Variants in LAMA2 observed in about 807,000 individuals in gnomAD.
LAMA2 encodes the protein laminin subunit alpha-2.
A neutral mutation model predicts 364.8 loss-of-function variants in LAMA2; 269 were observed. That is an observed-to-expected ratio of 0.74 (90% confidence interval 0.67 to 0.82). The LOEUF is 0.82. LAMA2 is among the 40% of genes least tolerant of loss of function. LAMA2 has a pLI of 0.00. For synonymous variants in LAMA2, 1,379 were observed against 1,370.6 expected, an observed-to-expected ratio of 1.01 and a Z score of -0.14; for missense variants, 3,807 against 3,873.2, an observed-to-expected ratio of 0.98 and a Z score of 0.45.
intron 56 of LAMA2, among the ~76,000 whole-genome samples, chr6:129,488,989 G>A (rs1784729364): frequency 6.6e-6 from 1 of 152,152 alleles, no homozygotes; most frequent in South Asian, 2.1e-4. Context: ...CCAAAATCAT[G>A]TACTACAAAT....
intron 3 of LAMA2, among the ~76,000 whole-genome samples, chr6:129,080,656 T>C (rs1016104637): frequency 6.6e-6 from 1 of 152,204 alleles, no homozygotes; most frequent in Non-Finnish European, 1.5e-5. Flanking sequence ...TCGTCATCAC[T>C]GGCCTTCAGA....
At chr6:129,076,597 A>G (rs1773673153) in intron 3 of LAMA2, among the ~76,000 whole-genome samples, 1 of 149,700 alleles carries the variant, frequency 6.7e-6, no homozygotes, top group Non-Finnish European at 1.5e-5. Context: ...CCCTAGCAAT[A>G]CCTACTGGTG....
chr6:129,463,338 T>G (rs1478370153), intron 49 of LAMA2, among the ~76,000 whole-genome samples: 1 of 151,940 alleles, frequency 6.6e-6, no homozygotes. Flanking sequence ...TATTATAGAG[T>G]GTACCTGGAA....
At chr6:129,464,097 A>C (rs1783409077) in intron 49 of LAMA2, among the ~76,000 whole-genome samples, 193 bp from the exon 50 acceptor site, 1 of 151,962 alleles carries the variant, frequency 6.6e-6, no homozygotes, top group African/African-American at 2.4e-5. Flanking sequence ...CACCTCATGA[A>C]AGGTGAGAGG....
chr6:129,309,419 A>T (rs1774073295), intron 22 of LAMA2, among the ~76,000 whole-genome samples: 1 of 152,228 alleles, frequency 6.6e-6, no homozygotes, highest in African/African-American at 2.4e-5. Context: ...GTCTATTTGT[A>T]CTGTCAACAA....
At chr6:129,008,905 T>TGTA (rs1436591756) in intron 1 of LAMA2, among the ~76,000 whole-genome samples, 1 of 152,210 alleles carries the variant, frequency 6.6e-6, no homozygotes, top group African/African-American at 2.4e-5. Context: ...GTACCCAGGA[T>TGTA]GTAGTGTACT....
chr6:129,301,019 A>T, intron 22 of LAMA2, 147 bp downstream of exon 22: 1 of 736,902 alleles, frequency 1.4e-6, no homozygotes, highest in Non-Finnish European at 2.3e-6. Context: ...ATTAATCAAT[A>T]TCTTACAGTT....
chr6:129,508,601 A>G (rs765913749), intron 62 of LAMA2, among the ~76,000 whole-genome samples: 3 of 152,184 alleles, frequency 2.0e-5, no homozygotes, highest in Non-Finnish European at 4.4e-5. Context: ...GCTCCCACAG[A>G]TAAGTGAGAA....
chr6:128,997,280 G>C (rs546686315), intron 1 of LAMA2, among the ~76,000 whole-genome samples: 21 of 148,484 alleles, frequency 1.4e-4, no homozygotes, highest in East Asian at 1.4e-3. Context: ...ACTTAAAGTA[G>C]AAAGAAAGAA....
rs150868009 is a variant in LAMA2 at position 129,460,380 on chromosome 6, A to T, written c.6992+56A>T. 0.015 allele frequency: 22,288 copies of T among 1,511,166 alleles called. 193 individuals are homozygous for T. Among genetic ancestry groups the T allele is most frequent in the Non-Finnish European group, 0.018 (19,388 of 1,087,780 alleles). 93.6% of individuals were successfully genotyped at this position (1,511,166 alleles called of 1,614,324 possible). ...TGTCCTGTGCATAATAAAAGCTTCG[A>T]TTTTATTGCATAATATTCTATTATC... On this transcript the variant is annotated intron_variant, in intron 49 of 64. Coordinates refer to ENST00000421865, the MANE Select transcript of LAMA2 (RefSeq NM_000426.4).
intron 1 of LAMA2, among the ~76,000 whole-genome samples, chr6:128,953,747 C>T (rs574377883): frequency 6.6e-6 from 1 of 152,060 alleles, no homozygotes; most frequent in East Asian, 1.9e-4. Context: ...CTTTATCGTT[C>T]TCTTCCAAAC....
intron 37 of LAMA2, among the ~76,000 whole-genome samples, chr6:129,394,898 C>T (rs765169749): frequency 1.3e-5 from 2 of 152,152 alleles, no homozygotes; most frequent in Non-Finnish European, 2.9e-5. Flanking sequence ...CTGAGTGGTC[C>T]TGTTTGGATT....
chr6:129,050,874 A>G lies in LAMA2; in HGVS notation c.283+786A>G, dbSNP rs533679294. 6.6e-4 allele frequency among the ~76,000 whole-genome samples: 100 copies of G among 152,328 alleles called. No homozygotes were observed. The South Asian group carries it at 0.013, about 19-fold the overall frequency. ...ATGTAAAGCCCTCTTTCCAGCCTCT[A>G]TGAACCACAGTGATACCTCAGACTC... On this transcript the variant is annotated intron_variant, in intron 2 of 64. Transcript: ENST00000421865.
chr6:129,162,459 AT>A (rs911276874), intron 8 of LAMA2, among the ~76,000 whole-genome samples: 92 of 147,574 alleles, frequency 6.2e-4, no homozygotes, highest in Admixed American at 2.4e-3. Flanking sequence ...TTCCTTTAAC[AT>A]TTTTTTTTTG....
chr6:128,930,754 A>C (rs553389327), intron 1 of LAMA2, among the ~76,000 whole-genome samples: 13 of 152,214 alleles, frequency 8.5e-5, no homozygotes, highest in Non-Finnish European at 1.8e-4. Flanking sequence ...TATCATATTA[A>C]TCTTTCTGAA....
chr6:129,077,136 C>A (rs150202395), intron 3 of LAMA2, among the ~76,000 whole-genome samples: 1 of 152,006 alleles, frequency 6.6e-6, no homozygotes. Flanking sequence ...ATGATATTCA[C>A]GTAATAATAT....
intron 12 of LAMA2, among the ~76,000 whole-genome samples, chr6:129,212,767 T>C (rs1783182960): frequency 6.6e-6 from 1 of 152,184 alleles, no homozygotes; most frequent in Non-Finnish European, 1.5e-5. Context: ...GCAGCTGCCT[T>C]TCAAGATAAT....
chr6:129,233,920 T>C (rs562588545), intron 12 of LAMA2, among the ~76,000 whole-genome samples: 1 of 152,232 alleles, frequency 6.6e-6, no homozygotes, highest in Admixed American at 6.5e-5. Flanking sequence ...GAACTGAAAG[T>C]TAAGAAGATA....
At chr6:129,058,601 G>A (rs554979850) in intron 2 of LAMA2, among the ~76,000 whole-genome samples, 18 of 152,226 alleles carry the variant, frequency 1.2e-4, no homozygotes, top group African/African-American at 4.3e-4. Flanking sequence ...GACAAATGCC[G>A]GATGAGAGGT....
Sources: allele counts gnomAD v4.1 joint callset (sites outside exome capture counted in the v4.1 genomes callset), GRCh38; gene constraint gnomAD v4.1.1; transcripts MANE v1.5; gene names NCBI Gene and HGNC (gene_info 2026-07-23, HGNC 2026-07-21).